The following ZMAT4 variants were observed in gnomAD, a reference collection of about 807,000 sequenced individuals.
The protein encoded by ZMAT4 is zinc finger matrin-type 4.
Under a neutral mutation model 28.7 loss-of-function variants are expected in ZMAT4, and 17 were observed. That is an observed-to-expected ratio of 0.59 (90% CI 0.41 to 0.89). ZMAT4 has a LOEUF of 0.89. Ranked by LOEUF, ZMAT4 falls within the 40% of genes least tolerant of loss-of-function variation. ZMAT4 has a pLI of 0.00. For synonymous variants in ZMAT4, 117 were observed against 109.2 expected, an observed-to-expected ratio of 1.07 and a Z score of -0.44; for missense variants, 240 against 283.8, an observed-to-expected ratio of 0.85 and a Z score of 1.11.
chr8:40,582,889 CCTA>C (rs1804538595), intron 5 of ZMAT4, among the ~76,000 whole-genome samples: 1 of 152,078 alleles, frequency 6.6e-6, no homozygotes, highest in East Asian at 1.9e-4. Context: ...CAGTTGAAGC[CCTA>C]CTGGGAAGTC....
intron 5 of ZMAT4, among the ~76,000 whole-genome samples, chr8:40,665,703 G>A (rs1439674865): frequency 6.6e-6 from 1 of 152,120 alleles, no homozygotes; most frequent in Admixed American, 6.6e-5. Context: ...AAACTCAACT[G>A]TTTAAACAAA....
At chr8:40,830,315 C>A (rs907121505) in intron 1 of ZMAT4, among the ~76,000 whole-genome samples, 2 of 151,972 alleles carry the variant, frequency 1.3e-5, no homozygotes, top group Non-Finnish European at 2.9e-5. Flanking sequence ...AATGGTATAA[C>A]CCTCACCCCC....
At chr8:40,808,862 A>T (rs898679773) in intron 2 of ZMAT4, among the ~76,000 whole-genome samples, 2 of 151,928 alleles carry the variant, frequency 1.3e-5, no homozygotes, top group African/African-American at 4.8e-5. Context: ...AAAAAAAAAA[A>T]AAACTATTCC....
intron 2 of ZMAT4, among the ~76,000 whole-genome samples, chr8:40,793,852 C>T (rs890559138): frequency 7.2e-5 from 11 of 152,120 alleles, no homozygotes; most frequent in East Asian, 1.9e-4. Context: ...GTGACGGACT[C>T]GCCCCTCCTT....
chr8:40,777,240 T>C (rs893776099), intron 2 of ZMAT4, among the ~76,000 whole-genome samples: 6 of 152,156 alleles, frequency 3.9e-5, no homozygotes, highest in African/African-American at 1.4e-4. Context: ...GAAACAAAAA[T>C]AAACAAATTT....
intron 3 of ZMAT4, among the ~76,000 whole-genome samples, chr8:40,745,944 T>A (rs1415705981): frequency 1.3e-5 from 2 of 152,098 alleles, no homozygotes; most frequent in South Asian, 4.1e-4. Flanking sequence ...CAGCTAAGCA[T>A]CCCTTAGCTT....
At chr8:40,881,464 A>AAAGAAAGAAAGT (rs1818234759) in intron 1 of ZMAT4, among the ~76,000 whole-genome samples, 1 of 146,848 alleles carries the variant, frequency 6.8e-6, no homozygotes, top group African/African-American at 2.5e-5. Context: ...AGAAAGAAAG[A>AAAGAAAGAAAGT]AAGAAAGAAA....
In ZMAT4 at chr8:40,697,262, G is replaced by A. The variant is rs1241391246; in HGVS notation, c.332C>T (p.Thr111Ile). 2 of 1,611,548 alleles carry A rather than the reference G, an allele frequency of 1.2e-6. No individual in the cohort carries two copies. Among genetic ancestry groups the A allele is most frequent in the South Asian group, 1.1e-5 (1 of 90,692 alleles). ...GCACGTACCTGTGGTCTTTAATGGG[G>A]TCTTCTCTCCTAGCAAGAGTTTTAA... ...KRLKLLLGEK[T>I]PLKTTATPLS... Residue 111 changes from threonine to isoleucine, a missense_variant, in exon 4 of 7, where the codon ACC becomes ATC. Coordinates refer to ENST00000297737, the MANE Select transcript of ZMAT4 (RefSeq NM_024645.3).
chr8:40,654,048 T>A (rs1057177675), intron 5 of ZMAT4, among the ~76,000 whole-genome samples: 2 of 152,204 alleles, frequency 1.3e-5, no homozygotes, highest in African/African-American at 4.8e-5. Flanking sequence ...CATTCATTTG[T>A]ATTAAATAGA....
At chr8:40,712,537 A>T (rs2150509112) in intron 3 of ZMAT4, among the ~76,000 whole-genome samples, 1 of 152,340 alleles carries the variant, frequency 6.6e-6, no homozygotes, top group East Asian at 1.9e-4. Context: ...TTCTACATCC[A>T]TTCTGTGACA....
At chr8:40,853,322 C>T (rs569903524) in intron 1 of ZMAT4, among the ~76,000 whole-genome samples, 4 of 152,062 alleles carry the variant, frequency 2.6e-5, no homozygotes, top group Non-Finnish European at 5.9e-5. Context: ...TTTGGGAGGC[C>T]GAGCCAGGTG....
chr8:40,860,582 C>T (rs187602450), intron 1 of ZMAT4, among the ~76,000 whole-genome samples: 19 of 152,298 alleles, frequency 1.2e-4, no homozygotes, highest in East Asian at 1.9e-4. Context: ...TAGATCTGTG[C>T]GTTTGCCACC....
At chr8:40,672,967 C>A (rs1410974310) in intron 5 of ZMAT4, among the ~76,000 whole-genome samples, 1 of 151,958 alleles carries the variant, frequency 6.6e-6, no homozygotes. Context: ...AGAACACATA[C>A]ACATAAATAA....
At chr8:40,799,225 G>GGATGAATGGATA (rs377302493) in intron 2 of ZMAT4, among the ~76,000 whole-genome samples, 1 of 150,618 alleles carries the variant, frequency 6.6e-6, no homozygotes, top group Non-Finnish European at 1.5e-5. Flanking sequence ...ATGGATGGAT[G>GGATGAATGGATA]GATAGATAGA....
At chr8:40,591,537 C>T (rs1804892956) in intron 5 of ZMAT4, among the ~76,000 whole-genome samples, 2 of 152,192 alleles carry the variant, frequency 1.3e-5, no homozygotes, top group Admixed American at 6.5e-5. Flanking sequence ...CCCCTCCCCA[C>T]CCCAGTACCA....
At chr8:40,692,268 C>G (rs1809696351) in intron 4 of ZMAT4, among the ~76,000 whole-genome samples, 1 of 152,120 alleles carries the variant, frequency 6.6e-6, no homozygotes, top group Non-Finnish European at 1.5e-5. Flanking sequence ...ACTTCAAACT[C>G]TGAAGGGTCA....
intron 1 of ZMAT4, among the ~76,000 whole-genome samples, chr8:40,863,125 A>C (rs545402960): frequency 6.6e-6 from 1 of 152,266 alleles, no homozygotes; most frequent in African/African-American, 2.4e-5. Flanking sequence ...CTGGAATAGC[A>C]AGCAGTGAGC....
chr8:40,615,869 A>G (rs991000901), intron 5 of ZMAT4, among the ~76,000 whole-genome samples: 6 of 152,208 alleles, frequency 3.9e-5, no homozygotes, highest in African/African-American at 1.4e-4. Context: ...TGGCAACAAA[A>G]GCTAAAATTG....
At chr8:40,873,152 C>G (rs1563258352) in intron 1 of ZMAT4, among the ~76,000 whole-genome samples, 1 of 152,196 alleles carries the variant, frequency 6.6e-6, no homozygotes, top group Non-Finnish European at 1.5e-5. Flanking sequence ...TTCAGCCCAT[C>G]TGAGAAGCCC....
Sources: allele counts gnomAD v4.1 joint callset (sites outside exome capture counted in the v4.1 genomes callset), GRCh38; gene constraint gnomAD v4.1.1; transcripts MANE v1.5; gene names NCBI Gene and HGNC (gene_info 2026-07-23, HGNC 2026-07-21).